Variants in MON2 observed in about 807,000 individuals in gnomAD.
The protein encoded by MON2 is protein MON2 homolog.
Under a neutral mutation model 208.6 loss-of-function variants are expected in MON2, and 84 were observed. That is an observed-to-expected ratio of 0.40 (90% confidence interval 0.34 to 0.48). The LOEUF (loss-of-function observed/expected upper bound fraction) is 0.48. Ranked by LOEUF, MON2 falls within the 20% of genes least tolerant of loss-of-function variation. MON2 has a pLI of 0.59. For synonymous variants in MON2, 660 were observed against 694.0 expected, an observed-to-expected ratio of 0.95 and a Z score of 0.77; for missense variants, 1,611 against 2,015.4, an observed-to-expected ratio of 0.80 and a Z score of 3.84.
intron 8 of MON2, among the ~76,000 whole-genome samples, chr12:62,522,894 T>G (rs757581106): frequency 6.6e-6 from 1 of 152,210 alleles, no homozygotes; most frequent in Non-Finnish European, 1.5e-5. Flanking sequence ...GGTTCCAGTA[T>G]AAATTGATAA....
chr12:62,519,414 A>G (rs1395821234), intron 8 of MON2, among the ~76,000 whole-genome samples: 4 of 152,200 alleles, frequency 2.6e-5, no homozygotes, highest in East Asian at 1.9e-4. Flanking sequence ...TGAATGCCCT[A>G]TGAAAACAGT....
rs201522160 is a variant in MON2 at position 62,585,462 on chromosome 12, T to G, written c.4868T>G (p.Ile1623Arg). ...TCCCAAGATGTACTACATCGCTATA[T>G]AGAGGATGAAAGATTAAGTGGTAAA... is the stretch of plus-strand genomic sequence containing the variant. Reference protein sequence around the residue: ...KRSQDVLHRYIEDERLSGKCP... With the variant: ...KRSQDVLHRYREDERLSGKCP... Residue 1623 changes from isoleucine to arginine, a missense_variant, in exon 33 of 35, where the codon ATA becomes AGA. Transcript: ENST00000393630. 6.2e-7 allele frequency: 1 copy of G among 1,612,618 alleles called. No individual in the cohort carries two copies. The highest frequency in any genetic ancestry group is 1.3e-5 in the African/African-American group (1 of 75,028).
intron 25 of MON2, among the ~76,000 whole-genome samples, chr12:62,559,473 T>C (rs1005276716): frequency 2.0e-5 from 3 of 151,952 alleles, no homozygotes; most frequent in Admixed American, 2.0e-4. Flanking sequence ...TGAAACCCTA[T>C]CTCTACAAAA....
At chr12:62,588,703 G>A (rs893759538) in intron 34 of MON2, among the ~76,000 whole-genome samples, 3 of 151,742 alleles carry the variant, frequency 2.0e-5, no homozygotes, top group Non-Finnish European at 2.9e-5. Flanking sequence ...TTCATTTACC[G>A]TTTCCTACCA....
At chr12:62,520,540 T>G (rs2071971062) in intron 8 of MON2, among the ~76,000 whole-genome samples, 1 of 152,164 alleles carries the variant, frequency 6.6e-6, no homozygotes, top group South Asian at 2.1e-4. Flanking sequence ...AAAGACTAGC[T>G]CAGTTCACAG....
intron 1 of MON2, 138 bp from the exon 2 acceptor site, chr12:62,484,032 A>T (rs1478023777): frequency 1.6e-6 from 1 of 641,826 alleles, no homozygotes; most frequent in Non-Finnish European, 2.8e-6. Context: ...TTAGTATCTG[A>T]TGGTTTGAAA....
intron 1 of MON2, among the ~76,000 whole-genome samples, chr12:62,474,870 G>A (rs2135960198): frequency 6.6e-6 from 1 of 152,024 alleles, no homozygotes; most frequent in African/African-American, 2.4e-5. Context: ...TTTATTCACT[G>A]TCACCTGTTC....
intron 11 of MON2, 76 bp downstream of exon 11, chr12:62,526,178 G>T: frequency 7.0e-7 from 1 of 1,420,584 alleles, no homozygotes; most frequent in Middle Eastern, 2.1e-4. Flanking sequence ...CTTCTCTATT[G>T]TATTTTAAAT....
chr12:62,519,227 C>T (rs2071871876), intron 8 of MON2, among the ~76,000 whole-genome samples: 1 of 152,070 alleles, frequency 6.6e-6, no homozygotes, highest in Non-Finnish European at 1.5e-5. Flanking sequence ...TGGCTGTCTG[C>T]CACCTCTAGC....
intron 1 of MON2, among the ~76,000 whole-genome samples, chr12:62,473,395 A>T (rs1285940288): frequency 2.0e-5 from 3 of 152,148 alleles, no homozygotes; most frequent in Non-Finnish European, 4.4e-5. Flanking sequence ...CCATTATATC[A>T]TGCTGCACAT....
At chr12:62,544,661 C>G in intron 20 of MON2, 1 of 920,680 alleles carries the variant, frequency 1.1e-6, no homozygotes, top group Non-Finnish European at 1.6e-6. Context: ...TTTTGTTTAC[C>G]CTGATATATA....
chr12:62,507,815 C>A (rs1476568063), intron 7 of MON2, among the ~76,000 whole-genome samples: 4 of 152,124 alleles, frequency 2.6e-5, no homozygotes, highest in Non-Finnish European at 4.4e-5. Flanking sequence ...GTTACCCAGA[C>A]TGGAGGGCAG....
chr12:62,534,542 AAT>A lies in MON2; in HGVS notation c.1634-278_1634-277del, dbSNP rs71882879. On this transcript the variant is annotated intron_variant, in intron 12 of 34. Transcript: ENST00000393630. The stretch of plus-strand genomic sequence containing the variant: ...GCAAAAAAAAAAAAAAAAAAAAAAA[AAT>A]ATATATATATATATATATATATATT... 6.5e-3 allele frequency among the ~76,000 whole-genome samples: 148 copies of A among 22,822 alleles called. 6 individuals are homozygous for A. The highest frequency in any genetic ancestry group is 0.053 in the Middle Eastern group (2 of 38). The allele number at this position is 22,822 out of a possible 152,430, so 15.0% of individuals were successfully genotyped here. A position where few individuals can be genotyped will look rare whatever the true frequency, so the allele number is the denominator to read the frequency against.
At chr12:62,515,289 G>A (rs2136141836) in intron 8 of MON2, among the ~76,000 whole-genome samples, 1 of 152,218 alleles carries the variant, frequency 6.6e-6, no homozygotes, top group South Asian at 2.1e-4. Flanking sequence ...TACATATGTT[G>A]GAATATCATT....
chr12:62,495,799 G>A (rs1028308983), intron 4 of MON2, among the ~76,000 whole-genome samples: 4 of 150,990 alleles, frequency 2.6e-5, no homozygotes, highest in African/African-American at 9.7e-5. Flanking sequence ...AAACCAGACA[G>A]TTCAAATATG....
rs929586072 is a variant in MON2, at chr12:62,490,179, A to G, written c.176-3736A>G. 3.4e-5 allele frequency: 9 copies of G among 267,498 alleles called. No individual in the cohort carries two copies. In the East Asian group the frequency reaches 8.2e-4, roughly 24 times the overall value. 16.6% of individuals were successfully genotyped at this position (267,498 alleles called of 1,614,324 possible). ...AATTTGGAAATACAATATTTATCCA[A>G]TACACAGTGTTACTCTATTAAAGAG... On this transcript the variant is annotated intron_variant, in intron 2 of 34. Coordinates refer to ENST00000393630, the MANE Select transcript of MON2 (RefSeq NM_015026.3).
chr12:62,488,096 C>T (rs2069901279), intron 2 of MON2, among the ~76,000 whole-genome samples: 1 of 152,140 alleles, frequency 6.6e-6, no homozygotes, highest in African/African-American at 2.4e-5. Flanking sequence ...ATTGCTGCCT[C>T]TAGTATGTTT....
At chr12:62,532,943 C>T (rs1047174494) in intron 12 of MON2, among the ~76,000 whole-genome samples, 2 of 152,118 alleles carry the variant, frequency 1.3e-5, no homozygotes, top group African/African-American at 4.8e-5. Context: ...TATCATAGTA[C>T]AATCACCATC....
chr12:62,565,185 A>C, intron 26 of MON2, 52 bp from the exon 27 acceptor site: 1 of 1,554,690 alleles, frequency 6.4e-7, no homozygotes, highest in Non-Finnish European at 8.8e-7. Context: ...ACAGTAAAGA[A>C]CTTAATGGAG....
Sources: allele counts gnomAD v4.1 joint callset (sites outside exome capture counted in the v4.1 genomes callset), GRCh38; gene constraint gnomAD v4.1.1; transcripts MANE v1.5; gene names NCBI Gene and HGNC (gene_info 2026-07-23, HGNC 2026-07-21).